The following USH2A variants were observed in gnomAD, a reference collection of about 807,000 sequenced individuals.
USH2A encodes Usher syndrome 2A (autosomal recessive, mild).
A neutral mutation model predicts 538.9 loss-of-function variants in USH2A; 443 were observed. The ratio of observed to expected loss-of-function variants is 0.82; its 90% CI spans 0.76 to 0.89. The LOEUF is 0.89. Ranked by LOEUF, USH2A falls within the 40% of genes least tolerant of loss-of-function variation. The probability of loss-of-function intolerance (pLI) is 0.00; values close to 1 mark genes in which losing one functional copy is unlikely to be tolerated. For synonymous variants in USH2A, 2,413 were observed against 2,273.5 expected, an observed-to-expected ratio of 1.06 and a Z score of -1.75; for missense variants, 6,633 against 6,324.8, an observed-to-expected ratio of 1.05 and a Z score of -1.65.
chr1:215,948,039 GATA>G (rs1431477499), intron 37 of USH2A, among the ~76,000 whole-genome samples: 1 of 152,064 alleles, frequency 6.6e-6, no homozygotes, highest in Non-Finnish European at 1.5e-5. Context: ...AAAGTAAAGT[GATA>G]ATAAATAATA....
chr1:215,955,862 A>T (rs1667052652), intron 37 of USH2A, among the ~76,000 whole-genome samples: 1 of 152,150 alleles, frequency 6.6e-6, no homozygotes, highest in South Asian at 2.1e-4. Flanking sequence ...GGGGCCAAAC[A>T]TATGGTTTGT....
chr1:215,958,611 T>C (rs568623913), intron 37 of USH2A, among the ~76,000 whole-genome samples: 16 of 152,216 alleles, frequency 1.1e-4, no homozygotes, highest in Non-Finnish European at 2.1e-4. Context: ...ATCACATTTA[T>C]ACTCTATCTT....
chr1:216,041,845 CT>C (rs146933027), intron 32 of USH2A, among the ~76,000 whole-genome samples: 6,762 of 149,308 alleles, frequency 0.045, 171 homozygotes, highest in South Asian at 0.069. Context: ...AATAAAATAA[CT>C]TTTTTTTTTG....
intron 58 of USH2A, among the ~76,000 whole-genome samples, chr1:215,748,288 C>T (rs1571646791): frequency 6.6e-6 from 1 of 152,188 alleles, no homozygotes; most frequent in African/African-American, 2.4e-5. Flanking sequence ...GAAGAATTGC[C>T]GGGACCTTGA....
rs772969352 is a variant in USH2A, at chr1:215,680,351, T to C, written c.12092A>G (p.Tyr4031Cys). The C allele has an allele frequency of 1.1e-5, 17 of 1,613,924 alleles. No homozygotes were observed. Among genetic ancestry groups the C allele is most frequent in the Middle Eastern group, 3.3e-4 (2 of 6,084 alleles). The change falls in exon 62 of 72, where the codon TAC (tyrosine) becomes TGC (cysteine). Residue 4031 changes from tyrosine to cysteine, a missense_variant. By Grantham distance (194) the Tyr-to-Cys change is radical. Transcript: ENST00000307340. ...ATATGTTGTGAATGGTTCTAACCCG[T>C]ACAGGTGGGCTTGATGGCTTGTTCC... ...VKGTSHQAHL[Y>C]GLEPFTTYRI...
At chr1:216,315,890 ACTTT>A (rs1380744552) in intron 9 of USH2A, among the ~76,000 whole-genome samples, 2 of 152,172 alleles carry the variant, frequency 1.3e-5, no homozygotes, top group Non-Finnish European at 2.9e-5. Flanking sequence ...GAAATATTTA[ACTTT>A]GTATGAAAGT....
chr1:216,057,247 T>A (rs1409218106), intron 30 of USH2A, among the ~76,000 whole-genome samples: 1 of 152,212 alleles, frequency 6.6e-6, no homozygotes, highest in Admixed American at 6.5e-5. Context: ...CAACACTGCA[T>A]TACCTAATGA....
chr1:215,844,196 T>C, intron 46 of USH2A, 98 bp downstream of exon 46: 1 of 1,283,972 alleles, frequency 7.8e-7, no homozygotes, highest in Non-Finnish European at 1.1e-6. Flanking sequence ...AAAGAAATAA[T>C]CTGTAACCAA....
intron 32 of USH2A, among the ~76,000 whole-genome samples, chr1:216,005,833 T>A (rs74141496): frequency 0.029 from 4,415 of 152,242 alleles, 171 homozygotes; most frequent in African/African-American, 0.092. Context: ...ATGTTAACAA[T>A]GTTTTTCTGA....
At chr1:215,806,532 G>T (rs1480086264) in intron 49 of USH2A, among the ~76,000 whole-genome samples, 4 of 152,068 alleles carry the variant, frequency 2.6e-5, no homozygotes, top group Non-Finnish European at 4.4e-5. Flanking sequence ...CCTTAAAGAT[G>T]TCTATCAATC....
intron 11 of USH2A, among the ~76,000 whole-genome samples, chr1:216,270,773 G>A (rs1008931796): frequency 1.3e-5 from 2 of 150,744 alleles, no homozygotes; most frequent in Admixed American, 1.3e-4. Context: ...GCAGTGGCAC[G>A]AACATAGCTT....
At chr1:216,108,404 C>CT (rs551783781) in intron 21 of USH2A, among the ~76,000 whole-genome samples, 41,696 of 148,056 alleles carry the variant, frequency 0.28, 6,259 homozygotes, top group Non-Finnish European at 0.34. Flanking sequence ...TTTCCATAAT[C>CT]TTTTTTTTTT....
At position 215,674,600 on chromosome 1, in the gene USH2A, G is replaced by C; in HGVS notation, c.13311C>G (p.Ala4437=). 2 of 1,614,166 alleles carry C rather than the reference G, an allele frequency of 1.2e-6. No homozygotes were observed. ...GGCTASVSKS[A]WTMEALPENM... ...TCTCTGGCAGGGCCTCCATTGTCCA[G>C]GCAGATTTTGACACACTAGCTGTGC... Residue 4437 remains alanine, a synonymous_variant, in exon 63 of 72, where the codon GCC becomes GCG. Coordinates refer to ENST00000307340, the MANE Select transcript of USH2A (RefSeq NM_206933.4).
chr1:215,694,863 A>T (rs1051847467), intron 61 of USH2A, among the ~76,000 whole-genome samples: 6 of 152,184 alleles, frequency 3.9e-5, no homozygotes, highest in Non-Finnish European at 8.8e-5. Context: ...GTTGTTTTAC[A>T]TTTAATCATC....
At chr1:216,252,955 A>G (rs1010781514) in intron 11 of USH2A, among the ~76,000 whole-genome samples, 8 of 152,202 alleles carry the variant, frequency 5.3e-5, no homozygotes, top group South Asian at 2.1e-4. Context: ...CTTTGCTGGT[A>G]CTTTACAGGA....
chr1:215,958,412 A>T (rs1390428560), intron 37 of USH2A, among the ~76,000 whole-genome samples: 7 of 152,132 alleles, frequency 4.6e-5, no homozygotes, highest in Non-Finnish European at 5.9e-5. Flanking sequence ...ATACACTTTC[A>T]TCTAGTTTAA....
intron 61 of USH2A, among the ~76,000 whole-genome samples, chr1:215,705,184 C>A (rs1237582778): frequency 6.6e-6 from 1 of 152,184 alleles, no homozygotes; most frequent in Non-Finnish European, 1.5e-5. Flanking sequence ...GCTAATTCAA[C>A]AAGAACACAG....
chr1:216,230,861 C>A (rs1308962683), intron 14 of USH2A, among the ~76,000 whole-genome samples: 1 of 145,852 alleles, frequency 6.9e-6, no homozygotes, highest in Non-Finnish European at 1.5e-5. Flanking sequence ...GAACTTTAGA[C>A]AAGCTCATAA....
intron 40 of USH2A, among the ~76,000 whole-genome samples, chr1:215,891,881 T>TAC (rs1665218804): frequency 6.6e-6 from 1 of 152,166 alleles, no homozygotes; most frequent in African/African-American, 2.4e-5. Context: ...TGTAATTGTT[T>TAC]AGAGAACTCC....
Sources: gnomAD v4.1 joint callset for allele counts (sites outside exome capture counted in the v4.1 genomes callset) on GRCh38, gnomAD v4.1.1 for gene constraint, MANE v1.5 for transcripts, NCBI Gene and HGNC (gene_info 2026-07-23, HGNC 2026-07-21) for gene names.